The following GRM5 variants were observed in gnomAD, a reference collection of about 807,000 sequenced individuals.
GRM5 encodes the protein metabotropic glutamate receptor 5.
In GRM5, 19 loss-of-function variants were observed where a neutral mutation model predicts 83.1. The ratio of observed to expected loss-of-function variants is 0.23; its 90% CI spans 0.16 to 0.34. The LOEUF (loss-of-function observed/expected upper bound fraction) is 0.34. Among genes scored for constraint, GRM5 ranks in the 10% least tolerant of loss-of-function variants. The pLI is 1.00. For synonymous variants in GRM5, 675 were observed against 633.6 expected, an observed-to-expected ratio of 1.07 and a Z score of -0.98; for missense variants, 1,160 against 1,588.3, an observed-to-expected ratio of 0.73 and a Z score of 4.58.
chr11:88,858,497 T>G (rs1944509178), intron 2 of GRM5, among the ~76,000 whole-genome samples: 1 of 152,024 alleles, frequency 6.6e-6, no homozygotes. Context: ...AGAAAGAAGT[T>G]TGATCTTAAG....
rs533481186 is a variant in GRM5, at chr11:88,696,457, C to A, written c.912-43054G>T. Among the ~76,000 whole-genome samples, 3 of 152,282 alleles carry A rather than the reference C, an allele frequency of 2.0e-5. No individual in the cohort carries two copies. The South Asian group carries it at 6.2e-4, about 32-fold the overall frequency. On this transcript the variant is annotated intron_variant, in intron 3 of 9. Transcript: ENST00000305447. ...AGGGACCCCACCCTTCTCTACCCAG[C>A]ACTTCCCTGCCTCCCTGCCTCCCTT...
chr11:89,018,214 T>C (rs1940904732), intron 2 of GRM5, among the ~76,000 whole-genome samples: 1 of 152,252 alleles, frequency 6.6e-6, no homozygotes, highest in South Asian at 2.1e-4. Context: ...GCAGGGCACA[T>C]GTAGTGTCTA....
intron 7 of GRM5, among the ~76,000 whole-genome samples, chr11:88,584,196 G>A (rs1943267293): frequency 6.9e-6 from 1 of 145,910 alleles, no homozygotes; most frequent in African/African-American, 2.6e-5. Flanking sequence ...TTTGTCATAT[G>A]TTTCAAATTA....
chr11:88,941,329 A>G (rs1206331617), intron 2 of GRM5, among the ~76,000 whole-genome samples: 1 of 151,382 alleles, frequency 6.6e-6, no homozygotes, highest in Non-Finnish European at 1.5e-5. Flanking sequence ...AACTAATGGA[A>G]CATAACACAT....
chr11:88,689,288 C>A (rs1482693588), intron 3 of GRM5, among the ~76,000 whole-genome samples: 1 of 152,284 alleles, frequency 6.6e-6, no homozygotes, highest in South Asian at 2.1e-4. Context: ...TAAAACACAT[C>A]CCTGAATGAA....
At chr11:88,824,723 C>T (rs1426766077) in intron 3 of GRM5, among the ~76,000 whole-genome samples, 5 of 152,170 alleles carry the variant, frequency 3.3e-5, no homozygotes, top group African/African-American at 9.7e-5. Context: ...TCACTTCCTG[C>T]TGTGTTGCCT....
intron 2 of GRM5, among the ~76,000 whole-genome samples, chr11:88,967,045 T>A (rs775409534): frequency 1.3e-5 from 2 of 152,016 alleles, no homozygotes; most frequent in Admixed American, 1.3e-4. Flanking sequence ...TCGGGCATAG[T>A]ACATCTAATA....
intron 3 of GRM5, among the ~76,000 whole-genome samples, chr11:88,827,807 G>C (rs2135516448): frequency 6.6e-6 from 1 of 152,286 alleles, no homozygotes; most frequent in East Asian, 1.9e-4. Context: ...TCCTCATGGA[G>C]CTTACCTTCT....
At chr11:88,853,128 G>A (rs1241172817) in intron 2 of GRM5, among the ~76,000 whole-genome samples, 1 of 152,118 alleles carries the variant, frequency 6.6e-6, no homozygotes, top group African/African-American at 2.4e-5. Flanking sequence ...TTAGGTAGCA[G>A]AGGGTTTACA....
At chr11:88,896,832 C>G (rs1318789200) in intron 2 of GRM5, among the ~76,000 whole-genome samples, 1 of 151,834 alleles carries the variant, frequency 6.6e-6, no homozygotes, top group East Asian at 1.9e-4. Context: ...TAGCCTGATT[C>G]TTAGACTAAT....
chr11:88,994,888 T>C (rs1422082724), intron 2 of GRM5, among the ~76,000 whole-genome samples: 1 of 152,156 alleles, frequency 6.6e-6, no homozygotes, highest in Non-Finnish European at 1.5e-5. Flanking sequence ...GCTTCACCTA[T>C]AGCTTGCTTC....
intron 2 of GRM5, among the ~76,000 whole-genome samples, chr11:89,009,517 T>C (rs1726109433): frequency 6.6e-6 from 1 of 152,140 alleles, no homozygotes; most frequent in Non-Finnish European, 1.5e-5. Flanking sequence ...ATTCATTAAG[T>C]AATATAATAA....
chr11:88,641,188 G>A (rs765442867), intron 4 of GRM5, among the ~76,000 whole-genome samples: 1 of 151,896 alleles, frequency 6.6e-6, no homozygotes, highest in Non-Finnish European at 1.5e-5. Context: ...GAGAGTGGAG[G>A]CTGGGACAAG....
At chr11:89,037,095 T>C (rs1034442758) in intron 2 of GRM5, among the ~76,000 whole-genome samples, 6 of 152,132 alleles carry the variant, frequency 3.9e-5, no homozygotes, top group Non-Finnish European at 8.8e-5. Context: ...ATGACTTGTT[T>C]ATATAGCCAA....
At chr11:88,950,096 G>T (rs566514845) in intron 2 of GRM5, among the ~76,000 whole-genome samples, 1 of 150,096 alleles carries the variant, frequency 6.7e-6, no homozygotes, top group African/African-American at 2.5e-5. Context: ...GGATGGTCTC[G>T]ATCTCCTGAC....
chr11:88,822,055 C>T (rs1404769219), intron 3 of GRM5, among the ~76,000 whole-genome samples: 3 of 152,028 alleles, frequency 2.0e-5, no homozygotes, highest in South Asian at 4.2e-4. Context: ...ATTACTTTCC[C>T]AGATTATTGT....
At chr11:88,522,759 T>C (rs1226973247) in intron 9 of GRM5, 6 of 152,076 alleles carry the variant, frequency 3.9e-5, no homozygotes, top group Admixed American at 6.6e-5. Context: ...TCTAACACAA[T>C]TGTATTTATA....
At position 88,505,309 on chromosome 11, in the gene GRM5, C is replaced by G. The variant is rs1182155825; in HGVS notation, c.*3283G>C. The G allele has an allele frequency of 6.6e-6, 1 of 152,204 alleles. No individual in the cohort carries two copies. Among genetic ancestry groups the G allele is most frequent in the Non-Finnish European group, 1.5e-5 (1 of 68,026 alleles). The allele number at this position is 152,204 out of a possible 1,614,324, so 9.4% of individuals were successfully genotyped here. A position where few individuals can be genotyped will look rare whatever the true frequency, so the allele number is the denominator to read the frequency against. ...AAAACATGTACATTTTACTGGGAGACTAGCATAGGAAATGCTTTTGTTTTT... is the reference window on the plus strand; with the variant it reads ...AAAACATGTACATTTTACTGGGAGAGTAGCATAGGAAATGCTTTTGTTTTT... On this transcript the variant is annotated 3_prime_UTR_variant, in exon 10 of 10. Transcript: ENST00000305447.
chr11:88,635,230 AT>A (rs1939085191), intron 4 of GRM5, among the ~76,000 whole-genome samples: 1 of 152,112 alleles, frequency 6.6e-6, no homozygotes, highest in African/African-American at 2.4e-5. Context: ...TATTTTTAAT[AT>A]TTTTAGGAAA....
Sources: gnomAD v4.1 joint callset for allele counts (sites outside exome capture counted in the v4.1 genomes callset) on GRCh38, gnomAD v4.1.1 for gene constraint, MANE v1.5 for transcripts, NCBI Gene and HGNC (gene_info 2026-07-23, HGNC 2026-07-21) for gene names.